Variants in SLC71A2 observed in about 807,000 individuals in gnomAD.
SLC71A2 encodes the protein hippocampus abundant transcript-like 1.
chr9:94,391,081 A>G, the SLC71A2 span, among the ~76,000 whole-genome samples: 4 of 151,184 alleles, frequency 2.6e-5, no homozygotes, highest in African/African-American at 9.7e-5. Context: ...GTCTTGACCT[A>G]GTGGAAAAAG....
At chr9:94,447,970 T>C in the SLC71A2 span, among the ~76,000 whole-genome samples, 8 of 152,366 alleles carry the variant, frequency 5.3e-5, no homozygotes, top group African/African-American at 1.4e-4. Flanking sequence ...CTTTCATGGC[T>C]TGATAGCTCA....
At chr9:94,424,005 C>A in the SLC71A2 span, among the ~76,000 whole-genome samples, 1 of 152,162 alleles carries the variant, frequency 6.6e-6, no homozygotes, top group African/African-American at 2.4e-5. Flanking sequence ...CCAGAAAGAT[C>A]ATTGTGTTTG....
chr9:94,414,546 C>T, the SLC71A2 span, among the ~76,000 whole-genome samples: 19 of 152,200 alleles, frequency 1.2e-4, no homozygotes, highest in Non-Finnish European at 2.4e-4. Flanking sequence ...CTAAGGAACA[C>T]GTAATTCGTA....
At chr9:94,399,465 G>A in the SLC71A2 span, among the ~76,000 whole-genome samples, 1 of 152,060 alleles carries the variant, frequency 6.6e-6, no homozygotes, top group East Asian at 1.9e-4. Flanking sequence ...TTCCATTTGT[G>A]ACCATCTGTA....
the SLC71A2 span, among the ~76,000 whole-genome samples, chr9:94,390,131 G>A: frequency 1.9e-3 from 290 of 152,212 alleles, no homozygotes; most frequent in African/African-American, 6.4e-3. Context: ...GGAGAATGGC[G>A]TGAACCCAGG....
chr9:94,411,189 C>A, the SLC71A2 span, among the ~76,000 whole-genome samples: 7 of 147,700 alleles, frequency 4.7e-5, no homozygotes, highest in Admixed American at 4.8e-4. Context: ...CTGTTTAAAG[C>A]TTTTTTTGTG....
At chr9:94,383,709 T>C in the SLC71A2 span, among the ~76,000 whole-genome samples, 1 of 152,184 alleles carries the variant, frequency 6.6e-6, no homozygotes, top group African/African-American at 2.4e-5. Flanking sequence ...GGGATTGTTA[T>C]TGGTATTCTT....
chr9:94,420,573 T>C, the SLC71A2 span, among the ~76,000 whole-genome samples: 3 of 152,064 alleles, frequency 2.0e-5, no homozygotes, highest in Non-Finnish European at 4.4e-5. Flanking sequence ...TTTTTTTTCT[T>C]GTAGATATTG....
the SLC71A2 span, among the ~76,000 whole-genome samples, chr9:94,424,916 TTTA>T: frequency 9.1e-6 from 1 of 110,088 alleles, no homozygotes; most frequent in Non-Finnish European, 2.4e-5. Flanking sequence ...TTTTTTTTTT[TTTA>T]AATAATAAAT....
the SLC71A2 span, among the ~76,000 whole-genome samples, chr9:94,401,521 GA>G: frequency 6.6e-6 from 1 of 151,788 alleles, no homozygotes; most frequent in South Asian, 2.1e-4. Flanking sequence ...CATCTTTGAG[GA>G]GACTGTTGCG....
chr9:94,406,324 C>T, the SLC71A2 span, among the ~76,000 whole-genome samples: 1 of 152,100 alleles, frequency 6.6e-6, no homozygotes, highest in Admixed American at 6.5e-5. Context: ...ACCACAACCC[C>T]CGCCTCCCGG....
At chr9:94,454,107 CAG>C in the SLC71A2 span, 1 of 1,420,794 alleles carries the variant, frequency 7.0e-7, no homozygotes, top group South Asian at 1.1e-5. Flanking sequence ...AACTGCCAGA[CAG>C]ATGCCTCTTA....
the SLC71A2 span, among the ~76,000 whole-genome samples, chr9:94,377,267 T>C: frequency 1.9e-3 from 291 of 152,208 alleles, 1 homozygote; most frequent in African/African-American, 6.6e-3. Flanking sequence ...TTTTAATGTG[T>C]TGGAATTTCC....
At chr9:94,459,063 C>T in the SLC71A2 span, 1 of 1,268,768 alleles carries the variant, frequency 7.9e-7, no homozygotes, top group Non-Finnish European at 1.1e-6. Context: ...ATATGATTCA[C>T]TTTTTGGTGG....
the SLC71A2 span, among the ~76,000 whole-genome samples, chr9:94,404,666 C>T: frequency 1.3e-5 from 2 of 151,892 alleles, no homozygotes; most frequent in African/African-American, 4.9e-5. Flanking sequence ...TATTCAGTTT[C>T]CTTGCCTGTT....
the SLC71A2 span, among the ~76,000 whole-genome samples, chr9:94,442,296 A>C: frequency 6.6e-6 from 1 of 152,186 alleles, no homozygotes; most frequent in Admixed American, 6.5e-5. Context: ...GGTTACTACT[A>C]TTCCACAAAA....
At chr9:94,408,504 G>A in the SLC71A2 span, among the ~76,000 whole-genome samples, 4,770 of 152,132 alleles carry the variant, frequency 0.031, 91 homozygotes, top group South Asian at 0.049. Context: ...AATTCTGGGA[G>A]GTTTTTGATT....
At chr9:94,420,127 T>C in the SLC71A2 span, among the ~76,000 whole-genome samples, 1 of 152,088 alleles carries the variant, frequency 6.6e-6, no homozygotes, top group Non-Finnish European at 1.5e-5. Context: ...GTGGCTTGAG[T>C]GTGTTCCAGT....
At chr9:94,375,609 A>G in the SLC71A2 span, among the ~76,000 whole-genome samples, 4 of 148,236 alleles carry the variant, frequency 2.7e-5, no homozygotes, top group African/African-American at 5.1e-5. Context: ...TTCAAGGCCT[A>G]AGTTTAAAAA....
Sources: allele counts gnomAD v4.1 joint callset (sites outside exome capture counted in the v4.1 genomes callset), GRCh38; gene constraint gnomAD v4.1.1; transcripts MANE v1.5; gene names NCBI Gene and HGNC (gene_info 2026-07-23, HGNC 2026-07-21).